The following GABPB2 variants were observed in gnomAD, a reference collection of about 807,000 sequenced individuals.
GABPB2 encodes GA-binding protein subunit beta-2.
Under a neutral mutation model 39.1 loss-of-function variants are expected in GABPB2, and 23 were observed. That is an observed-to-expected ratio of 0.59 (90% CI 0.42 to 0.83). The LOEUF (loss-of-function observed/expected upper bound fraction) is 0.83, where lower values mean the gene tolerates loss of function less well. GABPB2 is among the 40% of genes least tolerant of loss of function. The probability of loss-of-function intolerance (pLI) is 0.00; values close to 1 mark genes in which losing one functional copy is unlikely to be tolerated. For missense variants in GABPB2, 467 were observed against 541.1 expected (o/e 0.86, Z 1.36); for synonymous variants, 184 against 199.3 (o/e 0.92, Z 0.65).
chr1:151,092,561 C>T (rs1182433151), intron 3 of GABPB2, among the ~76,000 whole-genome samples: 4 of 150,158 alleles, frequency 2.7e-5, no homozygotes, highest in South Asian at 2.1e-4. Context: ...GCCTAGTTTT[C>T]CAATTTATTA....
chr1:151,083,792 A>AGTCTTGCTGT (rs1677923207), intron 1 of GABPB2, among the ~76,000 whole-genome samples: 1 of 150,940 alleles, frequency 6.6e-6, no homozygotes, highest in Non-Finnish European at 1.5e-5. Flanking sequence ...CCCAGATTGA[A>AGTCTTGCTGT]GTGCCTTGGT....
intron 2 of GABPB2, among the ~76,000 whole-genome samples, chr1:151,088,935 G>A (rs1262567284): frequency 6.6e-6 from 1 of 152,018 alleles, no homozygotes; most frequent in Non-Finnish European, 1.5e-5. Flanking sequence ...GGGAGGTGGA[G>A]GTTGCAGTGA....
At chr1:151,097,509 C>T (rs141857696) in intron 4 of GABPB2, among the ~76,000 whole-genome samples, 4 of 152,046 alleles carry the variant, frequency 2.6e-5, no homozygotes, top group African/African-American at 4.8e-5. Flanking sequence ...GGGCTGGGCA[C>T]GGTGGCTCAA....
intron 1 of GABPB2, among the ~76,000 whole-genome samples, chr1:151,074,305 T>C (rs965438260): frequency 7.7e-5 from 11 of 143,258 alleles, no homozygotes; most frequent in African/African-American, 2.9e-4. Flanking sequence ...CTAAACATGC[T>C]TCCGCTTTTT....
rs1317834406 is a variant in GABPB2 at position 151,103,472 on chromosome 1, A to G, written c.623-90A>G. On this transcript the variant is annotated intron_variant, in intron 5 of 8. Coordinates refer to ENST00000368918, the MANE Select transcript of GABPB2 (RefSeq NM_144618.3). ...AACAAGATTGAGGACATTAGAAGGA[A>G]AAGCTGAGGTTTTGATTTAATAAGC... The G allele has an allele frequency of 6.4e-6, 5 of 786,776 alleles. 1 individual carries two copies. The South Asian group carries it at 8.3e-5, about 13-fold the overall frequency. The allele number at this position is 786,776 out of a possible 1,614,324, so 48.7% of individuals were successfully genotyped here.
intron 1 of GABPB2, among the ~76,000 whole-genome samples, chr1:151,077,037 C>T (rs938060880): frequency 6.6e-6 from 1 of 152,014 alleles, no homozygotes; most frequent in Admixed American, 6.6e-5. Context: ...TCGTGATCCG[C>T]CCTCCTGGGC....
At chr1:151,071,580 C>T (rs1415705337) in intron 1 of GABPB2, among the ~76,000 whole-genome samples, 2 of 150,722 alleles carry the variant, frequency 1.3e-5, no homozygotes, top group African/African-American at 2.4e-5. Context: ...AGCGATTCTC[C>T]TGCCTCAGCC....
intron 1 of GABPB2, among the ~76,000 whole-genome samples, chr1:151,072,038 C>G (rs1334416947): frequency 2.6e-5 from 4 of 152,218 alleles, no homozygotes; most frequent in African/African-American, 4.8e-5. Flanking sequence ...TTTGGCCATC[C>G]AAGACCATAT....
At chr1:151,104,999 G>A (rs1314222562) in intron 6 of GABPB2, among the ~76,000 whole-genome samples, 1 of 151,802 alleles carries the variant, frequency 6.6e-6, no homozygotes, top group Non-Finnish European at 1.5e-5. Context: ...CCACCTCTGG[G>A]GTTCAAGCAC....
chr1:151,115,786 C>T (rs1680819711), intron 7 of GABPB2, among the ~76,000 whole-genome samples: 1 of 152,174 alleles, frequency 6.6e-6, no homozygotes, highest in African/African-American at 2.4e-5. Context: ...ACATCCTCTC[C>T]AGCATTTGGT....
intron 7 of GABPB2, among the ~76,000 whole-genome samples, chr1:151,116,836 C>CT (rs1215433630): frequency 2.0e-5 from 3 of 152,118 alleles, no homozygotes; most frequent in Admixed American, 2.0e-4. Flanking sequence ...TCTTGAACTC[C>CT]TGGGCTCAAG....
Position 151,107,204 on chromosome 1 carries a change from G to T in GABPB2, c.904G>T (p.Val302Leu). Residue 302 changes from valine (V) to leucine (L), a missense_variant, in exon 7 of 9, where the codon GTG becomes TTG. Coordinates refer to ENST00000368918, the MANE Select transcript of GABPB2 (RefSeq NM_144618.3). ...CATTGGCCAGCCATTTATTGTAACTGTGCAAGATGGACAGCAAGGTGAGTT... is the reference window on the plus strand; with the variant it reads ...CATTGGCCAGCCATTTATTGTAACTTTGCAAGATGGACAGCAAGGTGAGTT... Reference protein sequence around the residue: ...GGIGQPFIVTVQDGQQVLTVP... With the variant: ...GGIGQPFIVTLQDGQQVLTVP... 6 of 1,586,226 alleles carry T rather than the reference G, an allele frequency of 3.8e-6. No individual in the cohort carries two copies. The highest frequency in any genetic ancestry group is 4.3e-6 in the Non-Finnish European group (5 of 1,169,202).
intron 4 of GABPB2, among the ~76,000 whole-genome samples, chr1:151,093,967 A>G (rs1001681050): frequency 2.0e-5 from 3 of 151,436 alleles, no homozygotes; most frequent in South Asian, 2.1e-4. Context: ...ATTGGGGACT[A>G]TCTATGAAGC....
intron 1 of GABPB2, among the ~76,000 whole-genome samples, chr1:151,077,780 G>T (rs1032628965): frequency 3.3e-5 from 5 of 150,792 alleles, no homozygotes; most frequent in African/African-American, 1.2e-4. Context: ...GTGAAACCCT[G>T]TCTCTACTAA....
chr1:151,086,980 A>G (rs1024330746), intron 1 of GABPB2, among the ~76,000 whole-genome samples: 1 of 152,024 alleles, frequency 6.6e-6, no homozygotes, highest in Non-Finnish European at 1.5e-5. Flanking sequence ...TCAGCCTCCC[A>G]AGTAGCTGGG....
rs1431754929 is a variant in GABPB2, at chr1:151,125,531, T to C, written c.*7275T>C. Reference sequence around the variant, plus strand: ...AAAATAAAAATGTTTCTCAATAAAATGTCAAAGCCGACCATTTCAGGGTGT... The same window carrying C: ...AAAATAAAAATGTTTCTCAATAAAACGTCAAAGCCGACCATTTCAGGGTGT... On this transcript the variant is annotated 3_prime_UTR_variant, in exon 9 of 9. Transcript: ENST00000368918. 6.6e-6 allele frequency: 1 copy of C among 151,992 alleles called. No individual in the cohort carries two copies. The highest frequency in any genetic ancestry group is 1.5e-5 in the Non-Finnish European group (1 of 67,984). The allele number at this position is 151,992 out of a possible 1,614,324, so 9.4% of individuals were successfully genotyped here.
intron 1 of GABPB2, among the ~76,000 whole-genome samples, chr1:151,082,400 T>C (rs1221825840): frequency 1.6e-5 from 2 of 125,662 alleles, no homozygotes; most frequent in African/African-American, 6.1e-5. Context: ...TTCTTTTTTT[T>C]TTTTTTTTTT....
intron 1 of GABPB2, among the ~76,000 whole-genome samples, chr1:151,084,536 T>TC (rs1678008086): frequency 7.0e-6 from 1 of 143,264 alleles, no homozygotes; most frequent in Non-Finnish European, 1.5e-5. Context: ...CTAGCTGTTT[T>TC]TTTTTTTTTT....
At chr1:151,077,713 G>A (rs1375733964) in intron 1 of GABPB2, among the ~76,000 whole-genome samples, 1 of 151,214 alleles carries the variant, frequency 6.6e-6, no homozygotes, top group Non-Finnish European at 1.5e-5. Context: ...AGCACTTTGG[G>A]AAACCGAGGC....
Sources: allele counts gnomAD v4.1 joint callset (sites outside exome capture counted in the v4.1 genomes callset), GRCh38; gene constraint gnomAD v4.1.1; transcripts MANE v1.5; gene names NCBI Gene and HGNC (gene_info 2026-07-23, HGNC 2026-07-21).